Variants in EYS observed in about 807,000 individuals in gnomAD.
The protein encoded by EYS is EGF-like photoreceptor maintenance factor.
In EYS, 250 loss-of-function variants were observed where a neutral mutation model predicts 282.1. That is an observed-to-expected ratio of 0.89 (90% CI 0.80 to 0.98). EYS has a LOEUF of 0.98. EYS is among the 50% of genes least tolerant of loss of function. The pLI, the probability that EYS is intolerant of heterozygous loss-of-function variation, is 0.00. For synonymous variants in EYS, 1,355 were observed against 1,282.9 expected (o/e 1.06, Z -1.20); for missense variants, 4,016 against 3,709.0 (o/e 1.08, Z -2.15).
In EYS at chr6:64,910,418, G is replaced by A. The variant is rs561895790; in HGVS notation, c.2641+2066C>T. Among the ~76,000 whole-genome samples the A allele has an allele frequency of 1.2e-4, 19 of 152,074 alleles. No individual in the cohort carries two copies. In the South Asian group the frequency reaches 3.1e-3, roughly 25 times the overall value. On this transcript the variant is annotated intron_variant, in intron 16 of 42. Transcript: ENST00000503581. ...CAGAACTTAAAACTACTAAAGACAC[G>A]TTATTACAGTATTCAGATCTGATTT...
rs943578613 is a variant in EYS at position 64,896,855 on chromosome 6, G to C, written c.2846+5258C>G. Among the ~76,000 whole-genome samples the C allele has an allele frequency of 1.1e-4, 16 of 152,208 alleles. No individual in the cohort carries two copies. In the South Asian group the frequency reaches 1.4e-3, roughly 14 times the overall value. ...GCCAGGAAGTTCAGACTGGTGGAGG[G>C]GGGGGCCACCACAGTGCCTCAAAGC... is the stretch of plus-strand genomic sequence containing the variant. On this transcript the variant is annotated intron_variant, in intron 18 of 42. Coordinates refer to ENST00000503581, the MANE Select transcript of EYS (RefSeq NM_001142800.2).
chr6:64,797,571 C>T (rs1458057733), intron 22 of EYS, among the ~76,000 whole-genome samples: 1 of 151,870 alleles, frequency 6.6e-6, no homozygotes, highest in Non-Finnish European at 1.5e-5. Flanking sequence ...ACCTGATTGA[C>T]CAATTGCCAA....
chr6:64,166,574 T>C (rs1764297266), intron 31 of EYS, among the ~76,000 whole-genome samples: 1 of 152,160 alleles, frequency 6.6e-6, no homozygotes, highest in African/African-American at 2.4e-5. Flanking sequence ...ATCTGCACTC[T>C]TGTCATGCTG....
At chr6:65,692,501 T>A (rs1055303669) in intron 1 of EYS, among the ~76,000 whole-genome samples, 1 of 150,334 alleles carries the variant, frequency 6.7e-6, no homozygotes, top group Non-Finnish European at 1.5e-5. Flanking sequence ...TAAAAGAAGA[T>A]CTTTTCATAC....
chr6:64,398,242 G>A (rs888618443), intron 28 of EYS, among the ~76,000 whole-genome samples: 1 of 151,876 alleles, frequency 6.6e-6, no homozygotes, highest in African/African-American at 2.4e-5. Flanking sequence ...ACTTGAACAC[G>A]TGTTAGGAGA....
intron 35 of EYS, among the ~76,000 whole-genome samples, chr6:63,962,207 T>A (rs554074838): frequency 6.6e-6 from 1 of 152,278 alleles, no homozygotes; most frequent in Non-Finnish European, 1.5e-5. Flanking sequence ...GGGCAAGGAC[T>A]TCATGTCTAA....
chr6:65,320,162 C>A (rs1367261843), intron 11 of EYS, among the ~76,000 whole-genome samples: 1 of 151,868 alleles, frequency 6.6e-6, no homozygotes, highest in East Asian at 1.9e-4. Context: ...AAAAAAAACA[C>A]ACACACACAC....
At chr6:63,895,059 G>A (rs1773502043) in intron 35 of EYS, among the ~76,000 whole-genome samples, 1 of 151,342 alleles carries the variant, frequency 6.6e-6, no homozygotes, top group Non-Finnish European at 1.5e-5. Context: ...AGTCCCTGAG[G>A]CCCACCGAGC....
chr6:65,330,103 A>G (rs1769741697), intron 11 of EYS: 1 of 981,176 alleles, frequency 1.0e-6, no homozygotes, highest in African/African-American at 1.8e-5. Context: ...TTACTTTAGT[A>G]CTTTAAAAAT....
chr6:63,918,017 A>G (rs887472833), intron 35 of EYS, among the ~76,000 whole-genome samples: 1 of 152,238 alleles, frequency 6.6e-6, no homozygotes, highest in Non-Finnish European at 1.5e-5. Flanking sequence ...CAGTTAGTAC[A>G]TAAACAGTTA....
At chr6:64,800,547 A>T (rs1004421764) in intron 22 of EYS, among the ~76,000 whole-genome samples, 1 of 143,052 alleles carries the variant, frequency 7.0e-6, no homozygotes, top group African/African-American at 2.5e-5. Flanking sequence ...GTTTAATCTA[A>T]TTTTTTTTTC....
chr6:65,452,841 T>A, intron 5 of EYS, among the ~76,000 whole-genome samples: 1 of 152,074 alleles, frequency 6.6e-6, no homozygotes, highest in East Asian at 1.9e-4. Flanking sequence ...AGATGTAAAT[T>A]TGTTGAATAC....
At chr6:64,303,691 A>G (rs1206791405) in intron 30 of EYS, among the ~76,000 whole-genome samples, 1 of 151,562 alleles carries the variant, frequency 6.6e-6, no homozygotes, top group Non-Finnish European at 1.5e-5. Flanking sequence ...AAATACAAAA[A>G]TTAGCCGGGC....
intron 13 of EYS, 107 bp from the exon 14 acceptor site, chr6:64,997,810 C>A: frequency 3.2e-6 from 3 of 934,498 alleles, no homozygotes; most frequent in Non-Finnish European, 4.6e-6. Context: ...CACTTTTAAC[C>A]AAATAAAGTA....
chr6:64,369,927 G>A (rs1040541934), intron 29 of EYS, among the ~76,000 whole-genome samples: 8 of 151,932 alleles, frequency 5.3e-5, no homozygotes, highest in African/African-American at 1.9e-4. Context: ...TGGAGCTTTA[G>A]GGCAGAGACT....
At chr6:64,787,127 G>C (rs1027608247) in intron 22 of EYS, among the ~76,000 whole-genome samples, 4 of 152,162 alleles carry the variant, frequency 2.6e-5, no homozygotes, top group African/African-American at 9.7e-5. Flanking sequence ...CACCACCAGT[G>C]AAAGTTGCAT....
intron 21 of EYS, among the ~76,000 whole-genome samples, chr6:64,813,874 AG>A (rs1764672459): frequency 6.6e-6 from 1 of 152,062 alleles, no homozygotes; most frequent in African/African-American, 2.4e-5. Context: ...ATGGTGCTAA[AG>A]CAAATTTCCT....
intron 2 of EYS, among the ~76,000 whole-genome samples, chr6:65,554,527 T>C (rs922869536): frequency 1.3e-5 from 2 of 152,148 alleles, no homozygotes; most frequent in Admixed American, 6.6e-5. Context: ...TCTATTACAG[T>C]TTCCATAACT....
intron 8 of EYS, among the ~76,000 whole-genome samples, 160 bp from the exon 9 acceptor site, chr6:65,353,777 C>A (rs548618369): frequency 6.6e-6 from 1 of 152,052 alleles, no homozygotes; most frequent in South Asian, 2.1e-4. Flanking sequence ...ATTTCTTTAT[C>A]TTTTCTTTCT....
Sources: gnomAD v4.1 joint callset for allele counts (sites outside exome capture counted in the v4.1 genomes callset) on GRCh38, gnomAD v4.1.1 for gene constraint, MANE v1.5 for transcripts, NCBI Gene and HGNC (gene_info 2026-07-23, HGNC 2026-07-21) for gene names.